ARID2: variants seen among roughly 807,000 people sequenced by gnomAD.
ARID2 encodes the protein AT-rich interactive domain-containing protein 2.
Under a neutral mutation model 184.6 loss-of-function variants are expected in ARID2, and 32 were observed. That is an observed-to-expected ratio of 0.17 (90% confidence interval 0.13 to 0.23). The LOEUF is 0.23. ARID2 is among the 10% of genes least tolerant of loss of function. The pLI is 1.00. For missense variants in ARID2, 1,696 were observed against 2,197.6 expected (o/e 0.77, Z 4.56); for synonymous variants, 836 against 772.6 (o/e 1.08, Z -1.36).
chr12:45,878,792 A>G (rs945375840), intron 16 of ARID2, among the ~76,000 whole-genome samples: 21 of 151,984 alleles, frequency 1.4e-4, no homozygotes, highest in African/African-American at 5.1e-4. Context: ...TTGTTTTTAT[A>G]CTTTTGGCGT....
At chr12:45,757,916 T>C (rs1941598939) in intron 3 of ARID2, among the ~76,000 whole-genome samples, 1 of 152,228 alleles carries the variant, frequency 6.6e-6, no homozygotes. Flanking sequence ...CAATTATCCG[T>C]TAACTCCAGT....
chr12:45,830,692 A>T (rs1943101357), intron 6 of ARID2, among the ~76,000 whole-genome samples: 1 of 152,182 alleles, frequency 6.6e-6, no homozygotes, highest in Non-Finnish European at 1.5e-5. Context: ...AAGTGTTTAA[A>T]TAAATACCCA....
intron 3 of ARID2, among the ~76,000 whole-genome samples, chr12:45,783,190 AAAG>A (rs989775381): frequency 3.3e-5 from 5 of 152,136 alleles, no homozygotes; most frequent in African/African-American, 1.2e-4. Context: ...AAAGCTTAGA[AAAG>A]GATGGAAAGT....
chr12:45,772,037 C>T (rs1204713753), intron 3 of ARID2, among the ~76,000 whole-genome samples: 1 of 152,070 alleles, frequency 6.6e-6, no homozygotes, highest in Non-Finnish European at 1.5e-5. Context: ...ATCTTCACAT[C>T]TCAGTGTGAT....
Position 45,852,388 on chromosome 12 carries a change from C to T in ARID2, c.4265C>T (p.Thr1422Ile), listed in dbSNP as rs1403544734. The change falls in exon 15 of 21, where the codon ACT (threonine) becomes ATT (isoleucine). Residue 1422 changes from threonine (T) to isoleucine (I), a missense_variant. Transcript: ENST00000334344. ...LERISNGPVL[T>I]LGGSSVSSIQ... is the part of the protein sequence containing the mutation. ...AGAATTTCTAATGGACCTGTATTAACTTTGGGTGGTTCATCTGTGAGCAGT... is the reference window on the plus strand; with the variant it reads ...AGAATTTCTAATGGACCTGTATTAATTTTGGGTGGTTCATCTGTGAGCAGT... 1 of 1,614,006 alleles carries T rather than the reference C, an allele frequency of 6.2e-7. No individual in the cohort carries two copies. Among genetic ancestry groups the T allele is most frequent in the Non-Finnish European group, 8.5e-7 (1 of 1,180,020 alleles).
At chr12:45,806,277 A>T (rs1300217725) in intron 3 of ARID2, among the ~76,000 whole-genome samples, 2 of 152,026 alleles carry the variant, frequency 1.3e-5, no homozygotes, top group African/African-American at 4.8e-5. Flanking sequence ...TGAAGCTTAA[A>T]TCTTTGATCA....
intron 4 of ARID2, 149 bp downstream of exon 4, chr12:45,811,700 G>A: frequency 1.3e-6 from 1 of 791,954 alleles, no homozygotes; most frequent in Non-Finnish European, 1.8e-6. Flanking sequence ...CATCTAATTG[G>A]TATCAGAGCC....
intron 3 of ARID2, among the ~76,000 whole-genome samples, chr12:45,796,413 G>A (rs940526070): frequency 6.6e-6 from 1 of 152,092 alleles, no homozygotes; most frequent in Non-Finnish European, 1.5e-5. Flanking sequence ...AGCAGTGACA[G>A]TTTGAGTTTT....
At chr12:45,849,036 G>C in intron 13 of ARID2, 66 bp downstream of exon 13, 1 of 1,508,150 alleles carries the variant, frequency 6.6e-7, no homozygotes, top group South Asian at 1.3e-5. Flanking sequence ...GCTCTTTAAA[G>C]AAAATACCAA....
At chr12:45,807,653 T>C (rs985190861) in intron 3 of ARID2, among the ~76,000 whole-genome samples, 1 of 152,104 alleles carries the variant, frequency 6.6e-6, no homozygotes, top group Non-Finnish European at 1.5e-5. Context: ...AAGAAAAAAA[T>C]TTCTTGAATT....
At chr12:45,803,806 T>G (rs1158761482) in intron 3 of ARID2, among the ~76,000 whole-genome samples, 2 of 152,180 alleles carry the variant, frequency 1.3e-5, no homozygotes, top group Non-Finnish European at 2.9e-5. Flanking sequence ...GTTGTCCTTT[T>G]TGTGAGAGAT....
chr12:45,768,189 C>T (rs1478683819), intron 3 of ARID2, among the ~76,000 whole-genome samples: 3 of 152,018 alleles, frequency 2.0e-5, no homozygotes, highest in African/African-American at 7.3e-5. Flanking sequence ...GGGTATCTTT[C>T]TCAAAGGAAT....
At position 45,893,685 on chromosome 12, in the gene ARID2, TA is replaced by T; in HGVS notation, c.5333del (p.Asn1778IlefsTer13). 6.2e-7 allele frequency: 1 copy of T among 1,604,474 alleles called. No individual in the cohort carries two copies. The highest frequency in any genetic ancestry group is 1.7e-5 in the Admixed American group (1 of 58,182). Reference protein sequence around the residue: ...KHIRLTAALILKNIGKYSECG... With the variant: ...KHIRLTAALIXKNIGKYSECG... ...ATCCGACTAACAGCTGCCTTAATAT[TA>T]AAAAATATTGGTAAATATTCAGAAT... On this transcript the variant is annotated frameshift_variant, in exon 20 of 21. Transcript: ENST00000334344. LOFTEE classifies it high-confidence loss of function.
chr12:45,900,217 C>T (rs368588223), intron 20 of ARID2, among the ~76,000 whole-genome samples: 1 of 152,060 alleles, frequency 6.6e-6, no homozygotes, highest in Non-Finnish European at 1.5e-5. Flanking sequence ...CCCACTACTA[C>T]GCCTGGCTAA....
intron 3 of ARID2, among the ~76,000 whole-genome samples, chr12:45,800,993 C>T (rs1175432087): frequency 2.6e-5 from 4 of 152,050 alleles, no homozygotes; most frequent in African/African-American, 7.2e-5. Context: ...TACTCACAGT[C>T]GAATGCCAAC....
chr12:45,762,112 T>C (rs948118328), intron 3 of ARID2, among the ~76,000 whole-genome samples: 5 of 152,236 alleles, frequency 3.3e-5, no homozygotes, highest in Non-Finnish European at 7.3e-5. Context: ...TATGACTGTT[T>C]AAAGTTTTTT....
rs748076245 is a variant in ARID2 at position 45,850,834 on chromosome 12, A to G, written c.2711A>G (p.Gln904Arg). Residue 904 changes from glutamine (Q) to arginine (R), a missense_variant, in exon 15 of 21, where the codon CAG (glutamine) becomes CGG (arginine). Transcript: ENST00000334344. ...ATTGCACCAAAACCTCTCCCTTCTC[A>G]GCAAGTTTCATCTACAGTGGTACAG... ...QNIAPKPLPSQQVSSTVVQQP... is the reference protein window; with the variant it reads ...QNIAPKPLPSRQVSSTVVQQP... The G allele has an allele frequency of 2.5e-6, 4 of 1,614,032 alleles. No homozygotes were observed. Among genetic ancestry groups the G allele is most frequent in the African/African-American group, 2.7e-5 (2 of 74,902 alleles).
At chr12:45,870,296 GT>G (rs1015097734) in intron 16 of ARID2, among the ~76,000 whole-genome samples, 1 of 152,040 alleles carries the variant, frequency 6.6e-6, no homozygotes, top group African/African-American at 2.4e-5. Flanking sequence ...CCAAAACCAC[GT>G]TTTTTTAGAG....
At chr12:45,755,756 A>C (rs968466429) in intron 3 of ARID2, among the ~76,000 whole-genome samples, 1 of 152,136 alleles carries the variant, frequency 6.6e-6, no homozygotes, top group African/African-American at 2.4e-5. Flanking sequence ...GGAACTCAGC[A>C]CTTCTCTCTG....
Sources: allele counts gnomAD v4.1 joint callset (sites outside exome capture counted in the v4.1 genomes callset), GRCh38; gene constraint gnomAD v4.1.1; transcripts MANE v1.5; gene names NCBI Gene and HGNC (gene_info 2026-07-23, HGNC 2026-07-21).